ZNF81: variants seen among roughly 807,000 people sequenced by gnomAD.
ZNF81 encodes zinc finger protein 81, also known as zinc finger protein 81 (HFZ20).
Under a neutral mutation model 32.3 loss-of-function variants are expected in ZNF81, and 5 were observed. That is an observed-to-expected ratio of 0.15 (90% confidence interval 0.08 to 0.33). ZNF81 has a LOEUF of 0.33. ZNF81 is among the 10% of genes least tolerant of loss of function. ZNF81 has a pLI of 1.00. For missense variants in ZNF81, 379 were observed against 479.8 expected (o/e 0.79, Z 1.96); for synonymous variants, 163 against 166.8 (o/e 0.98, Z 0.17).
chrX:47,872,664 T>C (rs1464106266), intron 2 of ZNF81, among the ~76,000 whole-genome samples: 1 of 112,028 alleles, frequency 8.9e-6, no homozygotes, highest in African/African-American at 3.2e-5. Context: ...ATGTATTTAC[T>C]TCCCTAAGGT....
rs939030775 is a variant in ZNF81 at position 47,924,304 on chromosome X, C to G, written c.*7672C>G. Among the ~76,000 whole-genome samples, 1 of 111,898 alleles carries G rather than the reference C, an allele frequency of 8.9e-6. No homozygotes were observed. Among genetic ancestry groups the G allele is most frequent in the African/African-American group, 3.2e-5 (1 of 30,804 alleles). ...AAATTGAGTGATGTTATTAAGAAGT[C>G]TTAGACAAACTTGCTCTCTTTTTTC... On this transcript the variant is annotated 3_prime_UTR_variant, in exon 5 of 5. Transcript: ENST00000338637.
chrX:47,901,864 A>G (rs2058699831), intron 4 of ZNF81, among the ~76,000 whole-genome samples: 1 of 111,366 alleles, frequency 9.0e-6, no homozygotes, highest in Admixed American at 9.5e-5. Context: ...GTTTTCTGAA[A>G]GAGTTTGTGT....
At chrX:47,892,379 G>A (rs1444718448) in intron 3 of ZNF81, among the ~76,000 whole-genome samples, 6 of 111,934 alleles carry the variant, frequency 5.4e-5, no homozygotes, top group South Asian at 3.7e-4. Context: ...AAGGATGCTC[G>A]GGCTCCCCTT....
At position 47,918,066 on chromosome X, in the gene ZNF81, G is replaced by A. The variant is rs1431005090; in HGVS notation, c.*1434G>A. The A allele has an allele frequency of 9.0e-6, 1 of 111,218 alleles. No individual in the cohort carries two copies. Among genetic ancestry groups the A allele is most frequent in the East Asian group, 2.8e-4 (1 of 3,553 alleles). The allele number at this position is 111,218 out of a possible 1,213,427, so 9.2% of individuals were successfully genotyped here. A position where few individuals can be genotyped will look rare whatever the true frequency, so the allele number is the denominator to read the frequency against. On this transcript the variant is annotated 3_prime_UTR_variant, in exon 5 of 5. Transcript: ENST00000338637. ...ATGGACCAAACGAACTGGTGGATCT[G>A]GCTAAGGAGATTTGCAGCAGAATAT...
Position 47,838,483 on chromosome X carries a change from T to C in ZNF81, c.-164+1496T>C, listed in dbSNP as rs1471808592. 2.7e-5 allele frequency among the ~76,000 whole-genome samples: 3 copies of C among 111,561 alleles called. No individual in the cohort carries two copies. The East Asian group carries it at 8.4e-4, about 31-fold the overall frequency. ...TCTTTTTTGGTTGAGGAAGTTCCCCTCTATTTTTAATTTCAAAAGTAGTTT... is the reference window on the plus strand; with the variant it reads ...TCTTTTTTGGTTGAGGAAGTTCCCCCCTATTTTTAATTTCAAAAGTAGTTT... On this transcript the variant is annotated intron_variant, in intron 1 of 4. Transcript: ENST00000338637.
intron 2 of ZNF81, among the ~76,000 whole-genome samples, chrX:47,876,884 C>T (rs1262255452): frequency 2.7e-5 from 3 of 112,010 alleles, no homozygotes. Context: ...TGTGATTGCT[C>T]TTTGTCCTCC....
intron 1 of ZNF81, among the ~76,000 whole-genome samples, chrX:47,839,181 A>C (rs2058436866): frequency 8.9e-6 from 1 of 111,814 alleles, no homozygotes; most frequent in African/African-American, 3.3e-5. Flanking sequence ...GTGTAGAATA[A>C]GTACTAATTT....
intron 1 of ZNF81, chrX:47,840,886 A>G: frequency 2.3e-6 from 1 of 431,941 alleles, no homozygotes; most frequent in Non-Finnish European, 4.1e-6. Flanking sequence ...AAGATACTTG[A>G]TAAAAATTCC....
chrX:47,843,956 T>C (rs2148003519), intron 1 of ZNF81, among the ~76,000 whole-genome samples: 2 of 112,319 alleles, frequency 1.8e-5, no homozygotes, highest in Admixed American at 1.9e-4. Flanking sequence ...TCTAATGTTT[T>C]AGGTTGAATA....
Position 47,846,180 on chromosome X carries a change from C to A in ZNF81, c.-88C>A. 2 of 1,056,990 alleles carry A rather than the reference C, an allele frequency of 1.9e-6. No homozygotes were observed. Among genetic ancestry groups the A allele is most frequent in the Admixed American group, 2.6e-5 (1 of 38,912 alleles). 87.1% of individuals were successfully genotyped at this position (1,056,990 alleles called of 1,213,427 possible). On this transcript the variant is annotated 5_prime_UTR_variant, in exon 2 of 5. Transcript: ENST00000338637. Reference sequence around the variant, plus strand: ...TGCAGGATCTTCCTTCTGACCCCAGCAGTCCCCGTTGAGTCCACCGATCCC... The same window carrying A: ...TGCAGGATCTTCCTTCTGACCCCAGAAGTCCCCGTTGAGTCCACCGATCCC...
At chrX:47,873,986 G>T (rs782233602) in intron 2 of ZNF81, among the ~76,000 whole-genome samples, 2 of 111,969 alleles carry the variant, frequency 1.8e-5, no homozygotes, top group Non-Finnish European at 3.8e-5. Flanking sequence ...GGTTTTAATT[G>T]CTTCTCTTCT....
intron 4 of ZNF81, among the ~76,000 whole-genome samples, chrX:47,914,471 A>G (rs28666034): frequency 1.3e-3 from 150 of 112,089 alleles, no homozygotes; most frequent in African/African-American, 4.6e-3. Context: ...CTATGTTTAG[A>G]TATGTTTAAA....
chrX:47,888,554 G>A (rs1268373050), intron 3 of ZNF81, among the ~76,000 whole-genome samples: 2 of 111,133 alleles, frequency 1.8e-5, no homozygotes, highest in African/African-American at 6.6e-5. Flanking sequence ...TAACACCTTG[G>A]TTTTGGAGTT....
At position 47,869,669 on chromosome X, in the gene ZNF81, G is replaced by GT. The variant is rs367801700; in HGVS notation, c.55-18321dup. On this transcript the variant is annotated intron_variant, in intron 2 of 4. Transcript: ENST00000338637. ...AAGCATGGATCCAACTGTATTTTTT[G>GT]TTTTTTTTTATTTTGTTTTGTTTTG... is the stretch of plus-strand genomic sequence containing the variant. 5.5e-3 allele frequency among the ~76,000 whole-genome samples: 604 copies of GT among 109,114 alleles called. 1 individual carries two copies. Among genetic ancestry groups the GT allele is most frequent in the Middle Eastern group, 0.051 (11 of 214 alleles). 94.8% of individuals were successfully genotyped at this position (109,114 alleles called of 115,157 possible).
At chrX:47,863,742 T>C (rs2058549940) in intron 2 of ZNF81, among the ~76,000 whole-genome samples, 1 of 112,223 alleles carries the variant, frequency 8.9e-6, no homozygotes, top group Non-Finnish European at 1.9e-5. Flanking sequence ...AAGAGCTACA[T>C]GATTGTACTA....
chrX:47,913,751 G>A (rs2058746780), intron 4 of ZNF81, among the ~76,000 whole-genome samples: 1 of 111,654 alleles, frequency 9.0e-6, no homozygotes, highest in Admixed American at 9.5e-5. Context: ...TGTCAACAAA[G>A]TAAGACATGC....
intron 3 of ZNF81, among the ~76,000 whole-genome samples, chrX:47,893,982 G>A (rs1354659172): frequency 1.8e-5 from 2 of 111,143 alleles, no homozygotes; most frequent in African/African-American, 6.6e-5. Flanking sequence ...GATCTTATCC[G>A]AGTTGTAGCA....
chrX:47,895,090 A>T (rs2058675036), intron 3 of ZNF81, among the ~76,000 whole-genome samples: 1 of 111,356 alleles, frequency 9.0e-6, no homozygotes. Context: ...TGTGAGAAGG[A>T]AATGAATTTT....
At chrX:47,869,657 A>G (rs903362850) in intron 2 of ZNF81, among the ~76,000 whole-genome samples, 1 of 106,979 alleles carries the variant, frequency 9.3e-6, no homozygotes, top group Non-Finnish European at 1.9e-5. Flanking sequence ...CATGGATCCA[A>G]CTGTATTTTT....
Sources: gnomAD v4.1 joint callset for allele counts (sites outside exome capture counted in the v4.1 genomes callset) on GRCh38, gnomAD v4.1.1 for gene constraint, MANE v1.5 for transcripts, NCBI Gene and HGNC (gene_info 2026-07-23, HGNC 2026-07-21) for gene names.